Variants in EBF1 observed in about 807,000 individuals in gnomAD.
The protein encoded by EBF1 is EBF transcription factor 1.
EBF1 carries 10 observed loss-of-function variants against 68.4 expected under a neutral mutation model. The observed-to-expected ratio is 0.15, with a 90% CI of 0.09 to 0.25. The LOEUF (loss-of-function observed/expected upper bound fraction) is 0.25, where lower values mean the gene tolerates loss of function less well. Among genes scored for constraint, EBF1 ranks in the 10% least tolerant of loss-of-function variants. The pLI is 1.00. For missense variants in EBF1, 509 were observed against 794.4 expected (o/e 0.64, Z 4.32); for synonymous variants, 298 against 299.8 (o/e 0.99, Z 0.06).
At position 158,805,851 on chromosome 5, in the gene EBF1, C is replaced by CT. The variant is rs200642824; in HGVS notation, c.779-9377dup. On this transcript the variant is annotated intron_variant, in intron 8 of 15. Transcript: ENST00000313708. The stretch of plus-strand genomic sequence containing the variant: ...AGAAGATAGTCACATGTGTTTTCTT[C>CT]TTTTTTTTTCTATTACAAGAGGATC... Among the ~76,000 whole-genome samples the CT allele has an allele frequency of 2.6e-4, 39 of 149,932 alleles. No homozygotes were observed. In the East Asian group the frequency reaches 5.1e-3, roughly 19 times the overall value.
chr5:159,096,767 C>T (rs1162827169), intron 2 of EBF1, among the ~76,000 whole-genome samples: 1 of 151,742 alleles, frequency 6.6e-6, no homozygotes, highest in African/African-American at 2.4e-5. Flanking sequence ...CTCTCTAGCT[C>T]TGGGGGCTCC....
At chr5:158,784,796 A>G (rs1162772499) in intron 9 of EBF1, among the ~76,000 whole-genome samples, 4 of 152,164 alleles carry the variant, frequency 2.6e-5, no homozygotes, top group Non-Finnish European at 5.9e-5. Flanking sequence ...TGGCTAGAAA[A>G]AGCCTAAAGT....
At chr5:159,067,817 C>A (rs571854497) in intron 6 of EBF1, among the ~76,000 whole-genome samples, 1 of 152,224 alleles carries the variant, frequency 6.6e-6, no homozygotes, top group South Asian at 2.1e-4. Context: ...GTCTTAAATT[C>A]ATGCTCAGTG....
intron 10 of EBF1, among the ~76,000 whole-genome samples, chr5:158,749,851 C>A (rs1398946918): frequency 6.6e-6 from 1 of 152,062 alleles, no homozygotes; most frequent in African/African-American, 2.4e-5. Context: ...GAGGTCTGGG[C>A]AAGGTAAACT....
intron 6 of EBF1, among the ~76,000 whole-genome samples, chr5:158,866,642 A>G (rs1486953312): frequency 1.3e-5 from 2 of 151,774 alleles, no homozygotes; most frequent in Non-Finnish European, 2.9e-5. Context: ...GTCACTTTTA[A>G]TAAGTCACTC....
Position 158,712,962 on chromosome 5 carries a change from C to A in EBF1, c.1369+8G>T. The stretch of plus-strand genomic sequence containing the variant: ...GTTGGGGAGGGAAGAGAAAAGCAAG[C>A]TTCTGACCCTGATTGGTGGCTTGTG... On this transcript the variant is annotated splice_region_variant and intron_variant, in intron 13 of 15. Coordinates refer to ENST00000313708, the MANE Select transcript of EBF1 (RefSeq NM_024007.5). The A allele has an allele frequency of 1.4e-6, 2 of 1,471,260 alleles. No homozygotes were observed. Among genetic ancestry groups the A allele is most frequent in the Non-Finnish European group, 9.1e-7 (1 of 1,101,694 alleles). 91.1% of individuals were successfully genotyped at this position (1,471,260 alleles called of 1,614,324 possible).
intron 9 of EBF1, among the ~76,000 whole-genome samples, chr5:158,796,087 G>A (rs1779567530): frequency 6.6e-6 from 1 of 151,998 alleles, no homozygotes; most frequent in African/African-American, 2.4e-5. Flanking sequence ...CCACACCATG[G>A]CAAGCCCAAG....
At chr5:159,016,060 G>A (rs1432621495) in intron 6 of EBF1, among the ~76,000 whole-genome samples, 1 of 152,204 alleles carries the variant, frequency 6.6e-6, no homozygotes, top group Non-Finnish European at 1.5e-5. Context: ...ATGTCTGGAG[G>A]TGGGTAGAGA....
chr5:158,799,042 A>T (rs1780095116), intron 8 of EBF1, among the ~76,000 whole-genome samples: 2 of 152,006 alleles, frequency 1.3e-5, no homozygotes, highest in Non-Finnish European at 2.9e-5. Context: ...GCTCTGTGAC[A>T]CCTCCCCACT....
intron 4 of EBF1, among the ~76,000 whole-genome samples, chr5:159,085,648 C>T (rs1218753431): frequency 2.0e-5 from 3 of 152,184 alleles, no homozygotes; most frequent in African/African-American, 7.2e-5. Flanking sequence ...CGGCATAATA[C>T]TAATATCACA....
At chr5:159,085,176 C>T (rs1437655369) in intron 4 of EBF1, among the ~76,000 whole-genome samples, 1 of 152,176 alleles carries the variant, frequency 6.6e-6, no homozygotes, top group Non-Finnish European at 1.5e-5. Context: ...TTTAGTCTTC[C>T]AGGGATGGGT....
chr5:158,764,251 T>C (rs112677661), intron 10 of EBF1, among the ~76,000 whole-genome samples: 9 of 152,288 alleles, frequency 5.9e-5, no homozygotes, highest in Middle Eastern at 3.4e-3. Flanking sequence ...AAAATATATG[T>C]AGTGTGGAGA....
At chr5:158,795,992 A>G (rs901479340) in intron 9 of EBF1, among the ~76,000 whole-genome samples, 1 of 152,070 alleles carries the variant, frequency 6.6e-6, no homozygotes, top group African/African-American at 2.4e-5. Flanking sequence ...CACAGATTAC[A>G]CCCTTGCTAA....
intron 10 of EBF1, among the ~76,000 whole-genome samples, chr5:158,751,794 G>A (rs1457570963): frequency 6.6e-6 from 1 of 152,006 alleles, no homozygotes; most frequent in African/African-American, 2.4e-5. Context: ...TGATAATATT[G>A]ATCAGAATCA....
intron 6 of EBF1, among the ~76,000 whole-genome samples, chr5:158,877,741 A>T (rs1175263711): frequency 6.6e-6 from 1 of 152,012 alleles, no homozygotes; most frequent in Admixed American, 6.6e-5. Context: ...TTATATTTTG[A>T]AAACCTTTTT....
chr5:158,720,893 G>C (rs894028859), intron 11 of EBF1, among the ~76,000 whole-genome samples: 2 of 152,122 alleles, frequency 1.3e-5, no homozygotes, highest in Non-Finnish European at 2.9e-5. Flanking sequence ...ACATTCTAAA[G>C]ACTTCATAGT....
chr5:159,034,083 C>T (rs936981900), intron 6 of EBF1, among the ~76,000 whole-genome samples: 4 of 152,100 alleles, frequency 2.6e-5, no homozygotes, highest in African/African-American at 7.2e-5. Context: ...AAATTTGACT[C>T]AAAGGACTAA....
chr5:158,774,089 C>A (rs886907618), intron 10 of EBF1, among the ~76,000 whole-genome samples: 6 of 152,150 alleles, frequency 3.9e-5, no homozygotes, highest in African/African-American at 1.4e-4. Flanking sequence ...TGCTATTGAG[C>A]TTTTCTGCTT....
intron 6 of EBF1, among the ~76,000 whole-genome samples, chr5:159,072,998 T>C (rs1450044748): frequency 6.6e-6 from 1 of 151,752 alleles, no homozygotes; most frequent in Non-Finnish European, 1.5e-5. Context: ...ACAGAACTAC[T>C]GTAGCTAAAA....
Sources: gnomAD v4.1 joint callset for allele counts (sites outside exome capture counted in the v4.1 genomes callset) on GRCh38, gnomAD v4.1.1 for gene constraint, MANE v1.5 for transcripts, NCBI Gene and HGNC (gene_info 2026-07-23, HGNC 2026-07-21) for gene names.